Variants in CSRP1 observed in about 807,000 individuals in gnomAD.
The protein encoded by CSRP1 is cysteine and glycine rich protein 1.
In CSRP1, 16 loss-of-function variants were observed where a neutral mutation model predicts 25.4. The ratio of observed to expected loss-of-function variants is 0.63; its 90% CI spans 0.43 to 0.96. The LOEUF (loss-of-function observed/expected upper bound fraction) is 0.96, where lower values mean the gene tolerates loss of function less well. Among genes scored for constraint, CSRP1 ranks in the 40% least tolerant of loss-of-function variants. CSRP1 has a pLI of 0.00. For synonymous variants in CSRP1, 97 were observed against 95.3 expected (o/e 1.02, Z -0.10); for missense variants, 212 against 243.6 (o/e 0.87, Z 0.86).
At chr1:201,489,205 T>C in intron 3 of CSRP1, 1 of 464,246 alleles carries the variant, frequency 2.2e-6, no homozygotes, top group South Asian at 2.8e-5. Flanking sequence ...CATACTTCCC[T>C]CGGTCACCCA....
intron 1 of CSRP1, 23 bp from the exon 2 acceptor site, chr1:201,496,327 G>A: frequency 6.4e-7 from 1 of 1,556,386 alleles, no homozygotes; most frequent in Non-Finnish European, 8.9e-7. Flanking sequence ...ACAGAAATGG[G>A]AATTAATTTT....
intron 1 of CSRP1, 37 bp from the exon 2 acceptor site, chr1:201,496,341 G>A: frequency 6.7e-7 from 1 of 1,484,262 alleles, no homozygotes; most frequent in East Asian, 2.3e-5. Flanking sequence ...TAATTTTACA[G>A]GGAGATGGAA....
At chr1:201,496,519 G>A in intron 1 of CSRP1, 1 of 582,818 alleles carries the variant, frequency 1.7e-6, no homozygotes, top group Non-Finnish European at 3.1e-6. Flanking sequence ...TAATCAACAG[G>A]TCTTTACAGA....
chr1:201,498,512 G>A (rs1664576713), intron 1 of CSRP1, among the ~76,000 whole-genome samples: 1 of 152,230 alleles, frequency 6.6e-6, no homozygotes, highest in Non-Finnish European at 1.5e-5. Context: ...GTGGCAACGA[G>A]AGCCCACCCT....
At chr1:201,491,961 G>A (rs554280666) in intron 2 of CSRP1, 2 of 152,122 alleles carry the variant, frequency 1.3e-5, no homozygotes, top group Non-Finnish European at 2.9e-5. Context: ...GGACCCTCTT[G>A]TCCTGCTCTG....
At chr1:201,490,984 G>C (rs1296535680) in intron 2 of CSRP1, 1 of 152,306 alleles carries the variant, frequency 6.6e-6, no homozygotes, top group East Asian at 1.9e-4. Context: ...ACAGGAAGAA[G>C]TGAGGGTCAG....
At chr1:201,485,418 G>A (rs763464688) in intron 4 of CSRP1, 42 bp from the exon 5 acceptor site, 3 of 1,573,136 alleles carry the variant, frequency 1.9e-6, no homozygotes, top group Middle Eastern at 1.7e-4. Context: ...CACCAGTGAT[G>A]AGGGTACCCT....
chr1:201,498,409 T>C (rs1297072495), intron 1 of CSRP1, among the ~76,000 whole-genome samples: 1 of 152,130 alleles, frequency 6.6e-6, no homozygotes, highest in Non-Finnish European at 1.5e-5. Context: ...ATAAAGGGGC[T>C]GGGAGTCAGA....
At chr1:201,487,683 A>T (rs1264655088) in intron 4 of CSRP1, 1 of 152,178 alleles carries the variant, frequency 6.6e-6, no homozygotes, top group Non-Finnish European at 1.5e-5. Flanking sequence ...TAAATGGCCC[A>T]AAGTAGCATT....
At chr1:201,491,595 A>G (rs1014043484) in intron 2 of CSRP1, 13 of 152,224 alleles carry the variant, frequency 8.5e-5, no homozygotes, top group African/African-American at 3.1e-4. Flanking sequence ...CCATCGGGAG[A>G]CAAGGAAGTG....
chr1:201,496,300 G>C lies in CSRP1; in HGVS notation c.4C>G (p.Pro2Ala). Residue 2 changes from proline to alanine, a missense_variant, in exon 2 of 6, where the codon CCG becomes GCG. Transcript: ENST00000340006. The stretch of plus-strand genomic sequence containing the variant: ...CATTTCTTGCCTCCTCCCCAGTTCG[G>C]CATTCTGAAAAGGGACACAGAAATG... M[P>A]NWGGGKKCGV... 1 of 1,612,640 alleles carries C rather than the reference G, an allele frequency of 6.2e-7. No homozygotes were observed.
chr1:201,494,041 C>T (rs550918400), intron 2 of CSRP1, among the ~76,000 whole-genome samples: 6 of 152,192 alleles, frequency 3.9e-5, no homozygotes, highest in Admixed American at 3.3e-4. Context: ...GAGACCCTAG[C>T]GTGACCTGAG....
intron 1 of CSRP1, among the ~76,000 whole-genome samples, chr1:201,502,073 G>A (rs6693013): frequency 0.025 from 3,816 of 152,214 alleles, 167 homozygotes; most frequent in African/African-American, 0.086. Flanking sequence ...TCGCAGAGAT[G>A]TAAAATCCCT....
intron 1 of CSRP1, among the ~76,000 whole-genome samples, chr1:201,501,253 T>C (rs1292376073): frequency 6.6e-6 from 1 of 152,206 alleles, no homozygotes; most frequent in African/African-American, 2.4e-5. Flanking sequence ...CATCCACATG[T>C]AGCTAGTCCA....
At position 201,484,270 on chromosome 1, in the gene CSRP1, T is replaced by G. The variant is rs995232161; in HGVS notation, c.*443A>C. 3 of 506,502 alleles carry G rather than the reference T, an allele frequency of 5.9e-6. No homozygotes were observed. Among genetic ancestry groups the G allele is most frequent in the Non-Finnish European group, 1.1e-5 (3 of 282,810 alleles). The allele number at this position is 506,502 out of a possible 1,614,324, so 31.4% of individuals were successfully genotyped here. A position where few individuals can be genotyped will look rare whatever the true frequency, so the allele number is the denominator to read the frequency against. On this transcript the variant is annotated 3_prime_UTR_variant, in exon 6 of 6. Coordinates refer to ENST00000340006, the MANE Select transcript of CSRP1 (RefSeq NM_004078.3). ...CCTCTTTCCCACAGAGGAGAATCTC[T>G]GAGATCCAAAAAACCCAGCCTTCCC...
chr1:201,490,242 C>G lies in CSRP1; in HGVS notation c.215G>C (p.Gly72Ala), dbSNP rs770172252. ...GAGGGTGCCTGCGCCCTGCCCGTAG[C>G]CATAGCCTTTGGGCCCATACTTCTT... ...YGKKYGPKGY[G>A]YGQGAGTLST... is the part of the protein sequence containing the mutation. Residue 72 changes from glycine to alanine, a missense_variant, in exon 3 of 6, where the codon GGC becomes GCC. Gly to Ala is a moderately conservative substitution (Grantham distance 60). Transcript: ENST00000340006. The G allele has an allele frequency of 8.4e-5, 136 of 1,614,062 alleles. No homozygotes were observed. Among genetic ancestry groups the G allele is most frequent in the Admixed American group, 1.7e-4 (10 of 60,002 alleles).
Position 201,484,467 on chromosome 1 carries a change from C to G in CSRP1, c.*246G>C, listed in dbSNP as rs984155319. On this transcript the variant is annotated 3_prime_UTR_variant, in exon 6 of 6. Transcript: ENST00000340006. ...TGTGGGGAGAGGGGCCTGCTCTCACCTAGACCCAAAACACTGAGGTCTCCT... is the reference window on the plus strand; with the variant it reads ...TGTGGGGAGAGGGGCCTGCTCTCACGTAGACCCAAAACACTGAGGTCTCCT... The G allele has an allele frequency of 3.5e-6, 2 of 574,060 alleles. No homozygotes were observed. The highest frequency in any genetic ancestry group is 5.7e-5 in the East Asian group (2 of 35,058). The allele number at this position is 574,060 out of a possible 1,614,324, so 35.6% of individuals were successfully genotyped here.
chr1:201,504,438 A>G (rs1225492210), intron 1 of CSRP1, among the ~76,000 whole-genome samples: 3 of 152,240 alleles, frequency 2.0e-5, no homozygotes, highest in African/African-American at 7.2e-5. Context: ...TTGATATTTG[A>G]CAATATGCCC....
chr1:201,486,498 C>T (rs903873882), intron 4 of CSRP1: 6 of 985,576 alleles, frequency 6.1e-6, no homozygotes, highest in Non-Finnish European at 7.2e-6. Flanking sequence ...ACATTGGCTT[C>T]TCCTCCAGAG....
Sources: gnomAD v4.1 joint callset for allele counts (sites outside exome capture counted in the v4.1 genomes callset) on GRCh38, gnomAD v4.1.1 for gene constraint, MANE v1.5 for transcripts, NCBI Gene and HGNC (gene_info 2026-07-23, HGNC 2026-07-21) for gene names.